The following PKNOX2 variants were observed in gnomAD, a reference collection of about 807,000 sequenced individuals.
The protein encoded by PKNOX2 is PBX/knotted 1 homeobox 2, also known as homeobox protein PKNOX2.
In PKNOX2, 14 loss-of-function variants were observed where a neutral mutation model predicts 53.1. The observed-to-expected ratio is 0.26, with a 90% confidence interval of 0.17 to 0.41. The LOEUF (loss-of-function observed/expected upper bound fraction) is 0.41, where lower values mean the gene tolerates loss of function less well. Among genes scored for constraint, PKNOX2 ranks in the 10% least tolerant of loss-of-function variants. The pLI, the probability that PKNOX2 is intolerant of heterozygous loss-of-function variation, is 1.00. For missense variants in PKNOX2, 496 were observed against 602.8 expected (o/e 0.82, Z 1.85); for synonymous variants, 257 against 242.8 (o/e 1.06, Z -0.54).
intron 2 of PKNOX2, among the ~76,000 whole-genome samples, chr11:125,323,050 G>A (rs114890430): frequency 4.6e-4 from 70 of 152,284 alleles, no homozygotes; most frequent in African/African-American, 1.7e-3. Context: ...GGACCATCTG[G>A]TCCTAACCTC....
intron 1 of PKNOX2, among the ~76,000 whole-genome samples, chr11:125,207,970 C>T (rs996291916): frequency 2.0e-5 from 3 of 152,058 alleles, no homozygotes; most frequent in Non-Finnish European, 2.9e-5. Context: ...TTAAAATGCA[C>T]TGAATGGAAT....
Position 125,316,849 on chromosome 11 carries a change from A to G in PKNOX2, c.-129-14970A>G, listed in dbSNP as rs1054590363. Among the ~76,000 whole-genome samples, 7 of 152,318 alleles carry G rather than the reference A, an allele frequency of 4.6e-5. No homozygotes were observed. The South Asian group carries it at 6.2e-4, about 14-fold the overall frequency. ...GGCAATTTCTTAAAATAAGACAACA[A>G]TGAAGTTTGCTGTATTGACAGACTC... On this transcript the variant is annotated intron_variant, in intron 2 of 12. Coordinates refer to ENST00000298282, the MANE Select transcript of PKNOX2 (RefSeq NM_001382323.2).
chr11:125,373,555 G>T (rs867284806), intron 5 of PKNOX2, among the ~76,000 whole-genome samples: 1 of 152,228 alleles, frequency 6.6e-6, no homozygotes, highest in Admixed American at 6.5e-5. Context: ...AACCTGGCAG[G>T]TGGTCCACAT....
chr11:125,316,972 A>G (rs1427024837), intron 2 of PKNOX2, among the ~76,000 whole-genome samples: 1 of 152,206 alleles, frequency 6.6e-6, no homozygotes, highest in Middle Eastern at 3.2e-3. Context: ...ATTCTCTCTA[A>G]CTTTGCTGCT....
At chr11:125,197,314 G>A (rs1038240989) in intron 1 of PKNOX2, among the ~76,000 whole-genome samples, 7 of 152,158 alleles carry the variant, frequency 4.6e-5, no homozygotes, top group Admixed American at 6.5e-5. Context: ...CCCAGGCTTA[G>A]GGGGTGGCTG....
At chr11:125,292,011 T>C (rs1947337030) in intron 2 of PKNOX2, among the ~76,000 whole-genome samples, 1 of 152,242 alleles carries the variant, frequency 6.6e-6, no homozygotes, top group Admixed American at 6.5e-5. Flanking sequence ...CATGATAGTC[T>C]GAATATAACT....
chr11:125,375,978 G>A (rs891301316), intron 5 of PKNOX2, among the ~76,000 whole-genome samples: 5 of 152,178 alleles, frequency 3.3e-5, no homozygotes, highest in Admixed American at 1.3e-4. Context: ...GGGGCTGGAC[G>A]CGACATCCCC....
chr11:125,304,300 C>T lies in PKNOX2; in HGVS notation c.-129-27519C>T, dbSNP rs965124038. Among the ~76,000 whole-genome samples, 7 of 152,266 alleles carry T rather than the reference C, an allele frequency of 4.6e-5. No individual in the cohort carries two copies. In the South Asian group the frequency reaches 8.3e-4, roughly 18 times the overall value. The stretch of plus-strand genomic sequence containing the variant: ...CCTTCCCTGGAAACCCCCTCACTTA[C>T]AGGAAGCTGGGTGTTATCTTAAGGT... On this transcript the variant is annotated intron_variant, in intron 2 of 12. Coordinates refer to ENST00000298282, the MANE Select transcript of PKNOX2 (RefSeq NM_001382323.2).
chr11:125,260,915 A>C (rs1944796175), intron 2 of PKNOX2, among the ~76,000 whole-genome samples: 1 of 152,186 alleles, frequency 6.6e-6, no homozygotes, highest in Non-Finnish European at 1.5e-5. Flanking sequence ...CCCACAGTGG[A>C]AGGCCTCAGT....
At position 125,422,109 on chromosome 11, in the gene PKNOX2, T is replaced by C. The variant is rs190576715; in HGVS notation, c.937-6903T>C. On this transcript the variant is annotated intron_variant, in intron 10 of 12. Transcript: ENST00000298282. This position sits in a 1 kb window ranked among gnomAD's most constrained non-coding sequence, Gnocchi z 4.1. Reference sequence around the variant, plus strand: ...ATGACAATTATCTCTTAGATAATCATCAATGCCCCTATGATTCGTATTGGC... The same window carrying C: ...ATGACAATTATCTCTTAGATAATCACCAATGCCCCTATGATTCGTATTGGC... 7.6e-4 allele frequency among the ~76,000 whole-genome samples: 116 copies of C among 152,290 alleles called. No individual in the cohort carries two copies. Among genetic ancestry groups the C allele is most frequent in the African/African-American group, 2.7e-3 (113 of 41,538 alleles).
chr11:125,360,825 A>G (rs995340603), intron 4 of PKNOX2, among the ~76,000 whole-genome samples: 1 of 152,232 alleles, frequency 6.6e-6, no homozygotes, highest in African/African-American at 2.4e-5. Flanking sequence ...GTCTCATTTA[A>G]TTCTGAACAC....
At chr11:125,403,756 G>A (rs563886298) in intron 7 of PKNOX2, among the ~76,000 whole-genome samples, 35 of 152,290 alleles carry the variant, frequency 2.3e-4, no homozygotes, top group Non-Finnish European at 4.0e-4. Flanking sequence ...TGGTCAGTGG[G>A]GTAGGGACTA....
At chr11:125,285,445 A>G (rs1042963486) in intron 2 of PKNOX2, among the ~76,000 whole-genome samples, 6 of 152,242 alleles carry the variant, frequency 3.9e-5, no homozygotes, top group Non-Finnish European at 8.8e-5. Context: ...CTGATCTAAT[A>G]TCGGGCTATA....
chr11:125,361,493 T>C (rs1206482979), intron 4 of PKNOX2, among the ~76,000 whole-genome samples: 4 of 152,232 alleles, frequency 2.6e-5, no homozygotes, highest in African/African-American at 7.2e-5. Context: ...ACTAGTTCTA[T>C]CTGAAACCCA....
At chr11:125,296,123 T>G (rs1317091768) in intron 2 of PKNOX2, among the ~76,000 whole-genome samples, 1 of 152,090 alleles carries the variant, frequency 6.6e-6, no homozygotes. Context: ...AGTCCCACTG[T>G]CTCCTGCCTG....
chr11:125,231,657 G>C lies in PKNOX2; in HGVS notation c.-200-3388G>C, dbSNP rs1161554547. On this transcript the variant is annotated intron_variant, in intron 1 of 12. Transcript: ENST00000298282. ...GAAGACTTTTTCAGTGGTGCATATT[G>C]ATGAGTGAAACATAAGTACAGTGTG... 2.0e-5 allele frequency among the ~76,000 whole-genome samples: 3 copies of C among 152,268 alleles called. No homozygotes were observed. In the South Asian group the frequency reaches 6.2e-4, roughly 32 times the overall value.
At chr11:125,229,209 C>T (rs867464932) in intron 1 of PKNOX2, among the ~76,000 whole-genome samples, 1 of 152,162 alleles carries the variant, frequency 6.6e-6, no homozygotes, top group African/African-American at 2.4e-5. Context: ...CACCTTGAAC[C>T]CGATACTGCT....
At chr11:125,413,505 G>A (rs1955687322) in intron 10 of PKNOX2, among the ~76,000 whole-genome samples, 1 of 152,228 alleles carries the variant, frequency 6.6e-6, no homozygotes, top group Non-Finnish European at 1.5e-5. Flanking sequence ...CAACCAAAAT[G>A]AAAGCACCAC....
chr11:125,367,787 C>A, intron 4 of PKNOX2, 59 bp from the exon 5 acceptor site: 1 of 1,568,598 alleles, frequency 6.4e-7, no homozygotes, highest in Non-Finnish European at 8.7e-7. Context: ...CACACTACAG[C>A]CTGGAGACCA....
Sources: allele counts gnomAD v4.1 joint callset (sites outside exome capture counted in the v4.1 genomes callset), GRCh38; gene constraint gnomAD v4.1.1; non-coding constraint Gnocchi (gnomAD v3.1); transcripts MANE v1.5; gene names NCBI Gene and HGNC (gene_info 2026-07-23, HGNC 2026-07-21).